Variants in CALD1 observed in about 807,000 individuals in gnomAD.
CALD1 encodes caldesmon 1.
A neutral mutation model predicts 99.9 loss-of-function variants in CALD1; 33 were observed. The observed-to-expected ratio is 0.33, with a 90% CI of 0.25 to 0.44. CALD1 has a LOEUF of 0.44. Ranked by LOEUF, CALD1 falls within the 20% of genes least tolerant of loss-of-function variation. CALD1 has a pLI of 1.00. For missense variants in CALD1, 861 were observed against 962.1 expected, an observed-to-expected ratio of 0.89 and a Z score of 1.39; for synonymous variants, 310 against 325.0, an observed-to-expected ratio of 0.95 and a Z score of 0.50.
chr7:134,768,436 G>T (rs1002426635), intron 1 of CALD1, among the ~76,000 whole-genome samples: 2 of 152,182 alleles, frequency 1.3e-5, no homozygotes, highest in African/African-American at 4.8e-5. Context: ...TCCTTAAAGA[G>T]TGACTATTGA....
intron 9 of CALD1, among the ~76,000 whole-genome samples, chr7:134,955,694 A>C (rs1584668512): frequency 6.6e-6 from 1 of 152,246 alleles, no homozygotes. Context: ...ATTTAACCTT[A>C]ATTACTTCCT....
chr7:134,715,765 CGAAGGCCAGTCAAT>C, the CALD1 span, among the ~76,000 whole-genome samples: 1 of 152,090 alleles, frequency 6.6e-6, no homozygotes. Flanking sequence ...CTGACCAGGT[CGAAGGCCAGTCAAT>C]GAAGGCCATG....
At chr7:134,879,142 C>T (rs921208771) in intron 3 of CALD1, among the ~76,000 whole-genome samples, 10 of 152,168 alleles carry the variant, frequency 6.6e-5, no homozygotes, top group Non-Finnish European at 2.9e-5. Flanking sequence ...GCTTTCAAGT[C>T]TTCCAAGGAA....
At chr7:134,787,826 G>C (rs533291976) in intron 1 of CALD1, among the ~76,000 whole-genome samples, 1 of 152,178 alleles carries the variant, frequency 6.6e-6, no homozygotes, top group Non-Finnish European at 1.5e-5. Context: ...TTCTCTGCAA[G>C]AGTGACCTGA....
intron 1 of CALD1, among the ~76,000 whole-genome samples, chr7:134,820,759 T>C (rs1184689616): frequency 6.6e-6 from 1 of 152,200 alleles, no homozygotes; most frequent in African/African-American, 2.4e-5. Flanking sequence ...TGGTCAAATA[T>C]TTTATTCTAG....
chr7:134,762,437 G>C (rs1318976554), intron 1 of CALD1, among the ~76,000 whole-genome samples: 1 of 152,166 alleles, frequency 6.6e-6, no homozygotes, highest in Non-Finnish European at 1.5e-5. Context: ...GTTGCTAAAA[G>C]CCCTCCTAGC....
chr7:134,719,518 AGGGAAATGG>A, the CALD1 span, among the ~76,000 whole-genome samples: 1 of 152,176 alleles, frequency 6.6e-6, no homozygotes, highest in Non-Finnish European at 1.5e-5. Context: ...GCTAGAGTCC[AGGGAAATGG>A]GGCAGTCATC....
chr7:134,712,537 G>GA, the CALD1 span, among the ~76,000 whole-genome samples: 1 of 152,330 alleles, frequency 6.6e-6, no homozygotes, highest in African/African-American at 2.4e-5. Context: ...GTGTCTCTGG[G>GA]AAAATGTCCC....
intron 3 of CALD1, among the ~76,000 whole-genome samples, chr7:134,926,628 C>G (rs560292247): frequency 1.1e-4 from 17 of 152,062 alleles, no homozygotes; most frequent in African/African-American, 3.9e-4. Flanking sequence ...AAAGATGACA[C>G]AGATGAAATA....
intron 3 of CALD1, among the ~76,000 whole-genome samples, chr7:134,893,483 C>T (rs143813054): frequency 5.0e-4 from 76 of 152,238 alleles, no homozygotes; most frequent in African/African-American, 1.6e-3. Flanking sequence ...ACAGGGATGT[C>T]GAGATTTGTA....
intron 9 of CALD1, among the ~76,000 whole-genome samples, chr7:134,950,927 C>G (rs1807288839): frequency 6.6e-6 from 1 of 152,216 alleles, no homozygotes. Context: ...CCACTGCACT[C>G]TAGCCTGGGC....
At chr7:134,889,361 G>A (rs1254069523) in intron 3 of CALD1, among the ~76,000 whole-genome samples, 1 of 152,142 alleles carries the variant, frequency 6.6e-6, no homozygotes, top group Non-Finnish European at 1.5e-5. Context: ...CACCCTGACA[G>A]ATAAGCTCCT....
chr7:134,744,774 T>G (rs1796620990), intron 1 of CALD1, among the ~76,000 whole-genome samples: 1 of 152,120 alleles, frequency 6.6e-6, no homozygotes, highest in Non-Finnish European at 1.5e-5. Flanking sequence ...CTGCTCTTCC[T>G]TGAAGAGCCT....
intron 1 of CALD1, among the ~76,000 whole-genome samples, chr7:134,790,926 A>C (rs1400644319): frequency 6.6e-6 from 1 of 152,242 alleles, no homozygotes; most frequent in African/African-American, 2.4e-5. Context: ...CAAAAGGCCA[A>C]CATATCCAAA....
intron 1 of CALD1, among the ~76,000 whole-genome samples, chr7:134,795,819 T>C (rs1477784103): frequency 6.6e-6 from 1 of 152,142 alleles, no homozygotes; most frequent in African/African-American, 2.4e-5. Context: ...ACCCACACTC[T>C]GCTGGGAAGA....
At chr7:134,871,635 C>A (rs1441022941) in intron 3 of CALD1, among the ~76,000 whole-genome samples, 15 of 152,196 alleles carry the variant, frequency 9.9e-5, no homozygotes, top group Non-Finnish European at 1.5e-5. Context: ...AGCCTTTGTA[C>A]ACCTGACCCC....
At chr7:134,904,043 C>T (rs1232183763) in intron 3 of CALD1, among the ~76,000 whole-genome samples, 3 of 151,504 alleles carry the variant, frequency 2.0e-5, no homozygotes, top group African/African-American at 4.9e-5. Flanking sequence ...GTCAACATGG[C>T]GAAACCCCGT....
At chr7:134,801,182 C>T (rs1259068240) in intron 1 of CALD1, among the ~76,000 whole-genome samples, 1 of 151,986 alleles carries the variant, frequency 6.6e-6, no homozygotes, top group African/African-American at 2.4e-5. Context: ...ATATACATCC[C>T]TATTCTAGAG....
the CALD1 span, among the ~76,000 whole-genome samples, chr7:134,711,680 A>ATGTGTG: frequency 6.0e-4 from 66 of 109,574 alleles, 1 homozygote; most frequent in African/African-American, 2.2e-3. Flanking sequence ...ATATATATAT[A>ATGTGTG]TGTGTGTGTG....
Sources: gnomAD v4.1 joint callset for allele counts (sites outside exome capture counted in the v4.1 genomes callset) on GRCh38, gnomAD v4.1.1 for gene constraint, MANE v1.5 for transcripts, NCBI Gene and HGNC (gene_info 2026-07-23, HGNC 2026-07-21) for gene names.